The following DMXL2 variants were observed in gnomAD, a reference collection of about 807,000 sequenced individuals.
DMXL2 encodes dmX-like protein 2.
A neutral mutation model predicts 331.1 loss-of-function variants in DMXL2; 103 were observed. That is an observed-to-expected ratio of 0.31 (90% CI 0.27 to 0.37). The LOEUF is 0.37. Ranked by LOEUF, DMXL2 falls within the 10% of genes least tolerant of loss-of-function variation. DMXL2 has a pLI of 1.00. For missense variants in DMXL2, 3,171 were observed against 3,642.9 expected (o/e 0.87, Z 3.33); for synonymous variants, 1,281 against 1,252.1 (o/e 1.02, Z -0.49).
rs899676687 is a variant in DMXL2 at position 51,499,307 on chromosome 15, A to G, written c.3917T>C (p.Leu1306Pro). 1 of 1,613,842 alleles carries G rather than the reference A, an allele frequency of 6.2e-7. No individual in the cohort carries two copies. The highest frequency in any genetic ancestry group is 1.7e-5 in the Admixed American group (1 of 60,010). The change falls in exon 18 of 44, where the codon CTG becomes CCG. Residue 1306 changes from leucine to proline, a missense_variant. Physicochemically the swap from Leu to Pro is moderately conservative, Grantham distance 98. Transcript: ENST00000560891. ...TCCTTCAACAACACTTTTTCTTGCC[A>G]GCATATTAGATTTAAAGGTCGAATG... ...QDHSTFKSNMLARKSVVEGTA... is the reference protein window; with the variant it reads ...QDHSTFKSNMPARKSVVEGTA...
intron 25 of DMXL2, among the ~76,000 whole-genome samples, chr15:51,479,488 C>T (rs1430773073): frequency 6.6e-6 from 1 of 152,102 alleles, no homozygotes; most frequent in African/African-American, 2.4e-5. Flanking sequence ...ACTCTGATTG[C>T]CTCTAACTAT....
rs538526877 is a variant in DMXL2 at position 51,510,381 on chromosome 15, G to A, written c.2645-3128C>T. Among the ~76,000 whole-genome samples, 34 of 152,240 alleles carry A rather than the reference G, an allele frequency of 2.2e-4. No individual in the cohort carries two copies. The South Asian group carries it at 6.0e-3, about 27-fold the overall frequency. ...AAGTCTCAGGATACAAAATCAATGT[G>A]CAACAATCACAAGCATTCCTATACA... On this transcript the variant is annotated intron_variant, in intron 15 of 43. Transcript: ENST00000560891.
At chr15:51,607,149 G>C (rs1172566774) in intron 1 of DMXL2, among the ~76,000 whole-genome samples, 1 of 144,458 alleles carries the variant, frequency 6.9e-6, no homozygotes, top group Non-Finnish European at 1.5e-5. Context: ...GACAGAGTGA[G>C]ACTCTGCCCC....
Position 51,488,654 on chromosome 15 carries a change from TAAATA to T in DMXL2, c.4954-14_4954-10del. 1 of 1,587,842 alleles carries T rather than the reference TAAATA, an allele frequency of 6.3e-7. No homozygotes were observed. Among genetic ancestry groups the T allele is most frequent in the Non-Finnish European group, 8.6e-7 (1 of 1,164,544 alleles). ...AAAGAAGCTTTGGCAACCTAAATGA[TAAATA>T]AAATATTAAATTCACAATTTGACAT... On this transcript the variant is annotated splice_polypyrimidine_tract_variant and intron_variant, in intron 20 of 43. Transcript: ENST00000560891.
At position 51,481,536 on chromosome 15, in the gene DMXL2, G is replaced by A; in HGVS notation, c.5570C>T (p.Ser1857Phe). The change falls in exon 24 of 44, where the codon TCC becomes TTC. Residue 1857 changes from serine (S) to phenylalanine (F), a missense_variant. Coordinates refer to ENST00000560891, the MANE Select transcript of DMXL2 (RefSeq NM_001378457.1). ...TAAGGTTGCCAAAGTTCCTTCAGGG[G>A]AGGCAAGATTTCTTCGAATGAGCAA... ...HPLLIRRNLA[S>F]PEGTLATLGL... 1 of 1,612,256 alleles carries A rather than the reference G, an allele frequency of 6.2e-7. No homozygotes were observed. The highest frequency in any genetic ancestry group is 8.5e-7 in the Non-Finnish European group (1 of 1,179,528).
intron 1 of DMXL2, among the ~76,000 whole-genome samples, chr15:51,592,495 A>T (rs2052449772): frequency 6.6e-6 from 1 of 152,358 alleles, no homozygotes; most frequent in East Asian, 1.9e-4. Flanking sequence ...AACACTCTAC[A>T]GGATATTATC....
Position 51,564,216 on chromosome 15 carries a change from G to T in DMXL2, c.409C>A (p.Pro137Thr), listed in dbSNP as rs377346680. 24 of 1,608,432 alleles carry T rather than the reference G, an allele frequency of 1.5e-5. No homozygotes were observed. The African/African-American group carries it at 1.9e-4, about 13-fold the overall frequency. The change falls in exon 5 of 44, where the codon CCT becomes ACT. Residue 137 changes from proline (P) to threonine (T), a missense_variant. By Grantham distance (38) the Pro-to-Thr change is conservative. Around this residue, in one of 7 missense-constraint regions of DMXL2, gnomAD observed 1,674 missense variants for 1,780.2 expected, o/e 0.94. Coordinates refer to ENST00000560891, the MANE Select transcript of DMXL2 (RefSeq NM_001378457.1). Reference protein sequence around the residue: ...TATDSIQLWAPPGDDILEEEE... With the variant: ...TATDSIQLWATPGDDILEEEE... ...TCTTCCAGAATATCATCTCCTGGAG[G>T]AGCCCACAACTGAATAGAATCAGTT...
chr15:51,568,940 G>C (rs1408369067), intron 2 of DMXL2, among the ~76,000 whole-genome samples: 1 of 152,126 alleles, frequency 6.6e-6, no homozygotes, highest in Non-Finnish European at 1.5e-5. Context: ...CTGGACAGTG[G>C]GTACAGCCCG....
At chr15:51,480,212 G>T (rs1376741512) in intron 24 of DMXL2, 73 bp from the exon 25 acceptor site, 16 of 1,350,588 alleles carry the variant, frequency 1.2e-5, no homozygotes, top group Non-Finnish European at 1.6e-5. Flanking sequence ...AGAAATACTG[G>T]TGATAAACAT....
chr15:51,525,719 A>AC (rs2047633282), intron 13 of DMXL2, among the ~76,000 whole-genome samples: 1 of 152,134 alleles, frequency 6.6e-6, no homozygotes, highest in African/African-American at 2.4e-5. Flanking sequence ...GCCTTTGGAA[A>AC]GGAGAGAGAA....
intron 1 of DMXL2, among the ~76,000 whole-genome samples, chr15:51,590,046 T>C (rs139838021): frequency 6.6e-6 from 1 of 152,342 alleles, no homozygotes; most frequent in East Asian, 1.9e-4. Flanking sequence ...GTGCCCCATC[T>C]ACAGTCCTTC....
At chr15:51,476,241 C>T (rs188574141) in intron 27 of DMXL2, among the ~76,000 whole-genome samples, 4 of 152,226 alleles carry the variant, frequency 2.6e-5, no homozygotes, top group African/African-American at 9.6e-5. Flanking sequence ...GAACAACTAA[C>T]TGTATTTTCT....
rs763526521 is a variant in DMXL2, at chr15:51,538,265, C to T, written c.1293G>A (p.Glu431=). ...HENDDADRED[E]EHSQEDRERG... ...GTTCTCTATCCTCCTGTGAATGTTC[C>T]TCATCTTCTCTATCTGCATCATCAT... The change falls in exon 10 of 44, where the codon GAG becomes GAA. Residue 431 remains glutamate (E), a synonymous_variant. Coordinates refer to ENST00000560891, the MANE Select transcript of DMXL2 (RefSeq NM_001378457.1). 11 of 1,613,734 alleles carry T rather than the reference C, an allele frequency of 6.8e-6. No individual in the cohort carries two copies. Among genetic ancestry groups the T allele is most frequent in the Non-Finnish European group, 9.3e-6 (11 of 1,179,774 alleles).
At chr15:51,479,856 A>G in intron 25 of DMXL2, 92 bp downstream of exon 25, 1 of 971,820 alleles carries the variant, frequency 1.0e-6, no homozygotes, top group Non-Finnish European at 1.4e-6. Flanking sequence ...AGCACTTTGA[A>G]ATATTTCCCC....
chr15:51,620,036 T>A (rs1386522252), intron 1 of DMXL2, among the ~76,000 whole-genome samples: 1 of 152,168 alleles, frequency 6.6e-6, no homozygotes, highest in Non-Finnish European at 1.5e-5. Context: ...GCTTGCTTTT[T>A]ATTTTTACTA....
In DMXL2 at chr15:51,458,836, G is replaced by C. The variant is rs770118587; in HGVS notation, c.7990-41C>G. The C allele has an allele frequency of 1.6e-5, 25 of 1,521,158 alleles. No individual in the cohort carries two copies. The South Asian group carries it at 2.8e-4, about 17-fold the overall frequency. 94.2% of individuals were successfully genotyped at this position (1,521,158 alleles called of 1,614,324 possible). A position where few individuals can be genotyped will look rare whatever the true frequency, so the allele number is the denominator to read the frequency against. On this transcript the variant is annotated intron_variant, in intron 34 of 43. Transcript: ENST00000560891. ...CAGCAGTTTTAGTTGCTGCAGCACA[G>C]CTCTATTTAGAGTTATGCACATCCC... is the stretch of plus-strand genomic sequence containing the variant.
At chr15:51,522,758 CAA>C (rs1247242812) in intron 13 of DMXL2, among the ~76,000 whole-genome samples, 2 of 152,218 alleles carry the variant, frequency 1.3e-5, no homozygotes, top group Non-Finnish European at 2.9e-5. Flanking sequence ...GTAAATACCT[CAA>C]AACTATCTTG....
intron 1 of DMXL2, among the ~76,000 whole-genome samples, chr15:51,579,772 G>A (rs547185422): frequency 6.6e-6 from 1 of 152,220 alleles, no homozygotes; most frequent in South Asian, 2.1e-4. Flanking sequence ...CCAGCTAACA[G>A]TATCAATAAA....
chr15:51,451,544 T>TAAAC (rs1281179297), intron 42 of DMXL2, 101 bp downstream of exon 42: 4 of 928,304 alleles, frequency 4.3e-6, no homozygotes, highest in Middle Eastern at 3.1e-4. Context: ...AACCTGTCAA[T>TAAAC]AAACACTCAC....
Sources: gnomAD v4.1 joint callset for allele counts (sites outside exome capture counted in the v4.1 genomes callset) on GRCh38, gnomAD v4.1.1 for gene constraint, gnomAD v4.1.1 regional missense constraint, MANE v1.5 for transcripts, NCBI Gene and HGNC (gene_info 2026-07-23, HGNC 2026-07-21) for gene names.